Variants in FAM200B observed in about 807,000 individuals in gnomAD.
The protein encoded by FAM200B is zinc finger BED-type containing 11, also known as protein FAM200B.
A neutral mutation model predicts 33.1 loss-of-function variants in FAM200B; 32 were observed. The observed-to-expected ratio is 0.97, with a 90% CI of 0.73 to 1.30. The LOEUF (loss-of-function observed/expected upper bound fraction) is 1.30. Ranked by LOEUF, FAM200B falls within the 50% of genes most tolerant of loss-of-function variation. The probability of loss-of-function intolerance (pLI) is 0.00; values close to 1 mark genes in which losing one functional copy is unlikely to be tolerated. For synonymous variants in FAM200B, 240 were observed against 264.8 expected (o/e 0.91, Z 0.91); for missense variants, 741 against 754.0 (o/e 0.98, Z 0.20).
chr4:15,645,677 T>C, the FAM200B span, among the ~76,000 whole-genome samples: 1 of 152,140 alleles, frequency 6.6e-6, no homozygotes, highest in African/African-American at 2.4e-5. Context: ...TCCACCCGCC[T>C]CGGCCTCCCA....
the FAM200B span, among the ~76,000 whole-genome samples, chr4:15,650,657 CTTTCTTT>C: frequency 2.3e-5 from 3 of 132,634 alleles, no homozygotes; most frequent in Admixed American, 9.1e-5. Flanking sequence ...TTATAACTGA[CTTTCTTT>C]TTTTTTTTTT....
chr4:15,674,044 G>T, the FAM200B span, among the ~76,000 whole-genome samples: 1 of 152,052 alleles, frequency 6.6e-6, no homozygotes, highest in South Asian at 2.1e-4. Context: ...TTACATGCCA[G>T]AACAAAAATT....
rs1283207329 is a variant in FAM200B, at chr4:15,689,090, A to G, written c.*139A>G. 4 of 676,290 alleles carry G rather than the reference A, an allele frequency of 5.9e-6. No individual in the cohort carries two copies. The highest frequency in any genetic ancestry group is 6.5e-6 in the Non-Finnish European group (3 of 462,654). The allele number at this position is 676,290 out of a possible 1,614,324, so 41.9% of individuals were successfully genotyped here. ...TTGTTATATTTAATAAAATTATTTT[A>G]TGTTCATTGAACAAAAATTTAATGA... On this transcript the variant is annotated 3_prime_UTR_variant, in exon 2 of 2. Transcript: ENST00000422728.
chr4:15,655,564 C>T, the FAM200B span, among the ~76,000 whole-genome samples: 1 of 152,134 alleles, frequency 6.6e-6, no homozygotes, highest in Non-Finnish European at 1.5e-5. Context: ...CAGAAGGAAC[C>T]CAAACCTTTT....
chr4:15,641,643 T>C, the FAM200B span: 5 of 455,272 alleles, frequency 1.1e-5, no homozygotes, highest in East Asian at 2.8e-4. Context: ...AGTAAAGTTT[T>C]GAGAGATTCA....
chr4:15,680,261 T>A (rs891517205), upstream of FAM200B, among the ~76,000 whole-genome samples: 1 of 152,184 alleles, frequency 6.6e-6, no homozygotes, highest in African/African-American at 2.4e-5. Flanking sequence ...CCGTGAAGAC[T>A]ATTAGGAATG....
At chr4:15,681,092 A>G (rs1305009600), upstream of FAM200B, among the ~76,000 whole-genome samples, 1 of 151,992 alleles carries the variant, frequency 6.6e-6, no homozygotes, top group Non-Finnish European at 1.5e-5. Flanking sequence ...ACAGAAATAT[A>G]CATACATATT....
At chr4:15,647,240 A>G in the FAM200B span, among the ~76,000 whole-genome samples, 24 of 133,728 alleles carry the variant, frequency 1.8e-4, no homozygotes, top group South Asian at 1.4e-3. Flanking sequence ...AAAAAAAAAA[A>G]AAAGAAAGAA....
At chr4:15,671,715 G>T in the FAM200B span, among the ~76,000 whole-genome samples, 1 of 152,178 alleles carries the variant, frequency 6.6e-6, no homozygotes, top group South Asian at 2.1e-4. Flanking sequence ...ACACACTAGG[G>T]TGCTTAAACT....
chr4:15,669,268 C>G, the FAM200B span, among the ~76,000 whole-genome samples: 1 of 152,136 alleles, frequency 6.6e-6, no homozygotes, highest in Non-Finnish European at 1.5e-5. Context: ...ACCAGTACAG[C>G]ATGTTACTTT....
At chr4:15,644,922 G>A in the FAM200B span, among the ~76,000 whole-genome samples, 3 of 152,268 alleles carry the variant, frequency 2.0e-5, no homozygotes, top group Non-Finnish European at 4.4e-5. Flanking sequence ...ATTCTGGAGG[G>A]CCTGGTGACA....
the FAM200B span, among the ~76,000 whole-genome samples, chr4:15,663,835 T>C: frequency 6.6e-6 from 1 of 152,194 alleles, no homozygotes; most frequent in Admixed American, 6.5e-5. Context: ...TGCCAAGGTT[T>C]CTGTATTCTC....
chr4:15,650,272 T>G, the FAM200B span, among the ~76,000 whole-genome samples: 69 of 152,198 alleles, frequency 4.5e-4, no homozygotes, highest in Non-Finnish European at 8.4e-4. Flanking sequence ...TAGAAAACTG[T>G]TTTTCAAATA....
chr4:15,656,143 A>G, the FAM200B span: 6 of 455,596 alleles, frequency 1.3e-5, no homozygotes, highest in African/African-American at 1.2e-4. Flanking sequence ...AGAAGGGTGA[A>G]TAATGGAAGG....
the FAM200B span, among the ~76,000 whole-genome samples, chr4:15,655,620 G>T: frequency 1.3e-5 from 2 of 152,210 alleles, no homozygotes; most frequent in African/African-American, 4.8e-5. Context: ...GAGGGTAGGG[G>T]AAAGTCGTTG....
the FAM200B span, among the ~76,000 whole-genome samples, chr4:15,651,301 A>AG: frequency 6.6e-6 from 1 of 152,208 alleles, no homozygotes. Context: ...GGGCTTCCGA[A>AG]GGGGAAAAAA....
At chr4:15,638,777 G>C in the FAM200B span, 3,111 of 845,558 alleles carry the variant, frequency 3.7e-3, 9 homozygotes, top group Non-Finnish European at 5.0e-3. Context: ...TTAATGGCTC[G>C]AATGTCGTAT....
the FAM200B span, among the ~76,000 whole-genome samples, chr4:15,640,197 T>C: frequency 2.0e-5 from 3 of 152,012 alleles, no homozygotes; most frequent in African/African-American, 7.3e-5. Flanking sequence ...CATGCCACCA[T>C]GCCCAGCTGA....
At chr4:15,670,073 T>C in the FAM200B span, among the ~76,000 whole-genome samples, 1 of 152,252 alleles carries the variant, frequency 6.6e-6, no homozygotes, top group Non-Finnish European at 1.5e-5. Context: ...TATGGAGGTG[T>C]ACCTTGAAAT....
Sources: allele counts gnomAD v4.1 joint callset (sites outside exome capture counted in the v4.1 genomes callset), GRCh38; gene constraint gnomAD v4.1.1; transcripts MANE v1.5; gene names NCBI Gene and HGNC (gene_info 2026-07-23, HGNC 2026-07-21).